Variants in PDE4DIP observed in about 807,000 individuals in gnomAD.
PDE4DIP encodes myomegalin.
PDE4DIP carries 59 observed loss-of-function variants against 221.4 expected under a neutral mutation model. That is an observed-to-expected ratio of 0.27 (90% CI 0.22 to 0.33). The LOEUF (loss-of-function observed/expected upper bound fraction) is 0.33, where lower values mean the gene tolerates loss of function less well. Ranked by LOEUF, PDE4DIP falls within the 10% of genes least tolerant of loss-of-function variation. The probability of loss-of-function intolerance (pLI) is 1.00; values close to 1 mark genes in which losing one functional copy is unlikely to be tolerated. For missense variants in PDE4DIP, 1,036 were observed against 2,154.2 expected (o/e 0.48, Z 10.28); for synonymous variants, 404 against 815.9 (o/e 0.50, Z 8.60).
intron 21 of PDE4DIP, chr1:148,990,320 A>C (rs1350654025): frequency 3.0e-6 from 3 of 985,150 alleles, no homozygotes; most frequent in Non-Finnish European, 3.6e-6. Context: ...GGAAGAAACA[A>C]AACCCCTGTG....
At chr1:148,996,752 G>A (rs1217396957) in intron 22 of PDE4DIP, among the ~76,000 whole-genome samples, 2 of 152,272 alleles carry the variant, frequency 1.3e-5, no homozygotes, top group South Asian at 2.1e-4. Flanking sequence ...TCTGTCAGTC[G>A]TTGATCCATA....
At chr1:148,815,332 C>T (rs1242075157) in intron 1 of PDE4DIP, among the ~76,000 whole-genome samples, 48 of 142,298 alleles carry the variant, frequency 3.4e-4, no homozygotes, top group Non-Finnish European at 5.6e-4. Context: ...ACGCAGATCA[C>T]GAGGTCAGGA....
intron 1 of PDE4DIP, among the ~76,000 whole-genome samples, chr1:148,919,782 CCTCCTG>C (rs1307509366): frequency 2.3e-4 from 34 of 150,690 alleles, no homozygotes; most frequent in Middle Eastern, 3.4e-3. Context: ...TGAAACTCTT[CCTCCTG>C]CTAAATTATT....
At chr1:148,985,233 A>G (rs1384880082) in intron 21 of PDE4DIP, 1 of 152,134 alleles carries the variant, frequency 6.6e-6, no homozygotes, top group Non-Finnish European at 1.5e-5. Context: ...TTTGTACCGT[A>G]GAAAGAATAG....
intron 1 of PDE4DIP, 122 bp from the exon 1 acceptor site, chr1:148,844,306 C>G: frequency 3.3e-6 from 2 of 607,236 alleles, no homozygotes; most frequent in Non-Finnish European, 2.2e-6. Flanking sequence ...GTCGGGGAGA[C>G]GCGAGGGTGG....
chr1:148,952,389 A>G (rs1553490460), intron 5 of PDE4DIP: 1 of 1,078,034 alleles, frequency 9.3e-7, no homozygotes, highest in Non-Finnish European at 1.1e-6. Context: ...TCCATCCCCG[A>G]GGCTTTGCGT....
At chr1:149,026,228 CT>C (rs1298748317) in intron 38 of PDE4DIP, 2 of 148,294 alleles carry the variant, frequency 1.3e-5, no homozygotes, top group Non-Finnish European at 3.0e-5. Flanking sequence ...CCCACCAAGC[CT>C]TCTGTCTCCG....
At position 148,994,491 on chromosome 1, in the gene PDE4DIP, C is replaced by T. The variant is rs1553562980; in HGVS notation, c.2904+2518C>T. On this transcript the variant is annotated intron_variant, in intron 22 of 43. Transcript: ENST00000369354. Reference sequence around the variant, plus strand: ...AATATGAAGAACAGACGTTAGTAGACAAAGTGTGATAAACTTGAAAAAAGC... The same window carrying T: ...AATATGAAGAACAGACGTTAGTAGATAAAGTGTGATAAACTTGAAAAAAGC... Among the ~76,000 whole-genome samples, 3 of 147,774 alleles carry T rather than the reference C, an allele frequency of 2.0e-5. No individual in the cohort carries two copies. In the South Asian group the frequency reaches 6.6e-4, roughly 32 times the overall value.
intron 6 of PDE4DIP, among the ~76,000 whole-genome samples, chr1:148,961,613 C>T (rs1185258574): frequency 1.3e-5 from 2 of 152,218 alleles, no homozygotes; most frequent in Non-Finnish European, 2.9e-5. Flanking sequence ...GATCACAGTG[C>T]GTGAAAATTG....
chr1:148,817,993 T>A (rs2149772744), intron 1 of PDE4DIP, among the ~76,000 whole-genome samples: 1 of 148,220 alleles, frequency 6.7e-6, no homozygotes, highest in East Asian at 1.9e-4. Context: ...ATTTTTGTAT[T>A]TTTATTAGAG....
intron 43 of PDE4DIP, 139 bp from the exon 47 acceptor site, chr1:149,031,805 G>A: frequency 1.3e-6 from 1 of 769,694 alleles, no homozygotes; most frequent in Non-Finnish European, 2.2e-6. Flanking sequence ...TGCAGCGCAT[G>A]CTCTTAGCTC....
At chr1:148,977,804 G>A (rs1427084303) in intron 17 of PDE4DIP, 133 bp from the exon 21 acceptor site, 74 of 1,348,978 alleles carry the variant, frequency 5.5e-5, no homozygotes, top group Middle Eastern at 2.4e-4. Flanking sequence ...TGGATTATTG[G>A]TTTGATGCTG....
intron 41 of PDE4DIP, among the ~76,000 whole-genome samples, chr1:149,029,186 G>A (rs868940362): frequency 3.3e-5 from 5 of 152,066 alleles, no homozygotes; most frequent in South Asian, 2.1e-4. Flanking sequence ...CCAGGCCTGG[G>A]GAAAGTCAGC....
chr1:148,940,865 A>G (rs1378543441), intron 5 of PDE4DIP, among the ~76,000 whole-genome samples: 1 of 152,052 alleles, frequency 6.6e-6, no homozygotes, highest in Non-Finnish European at 1.5e-5. Flanking sequence ...ATTTAGTGTA[A>G]ATTAACATCA....
rs1323830958 is a variant in PDE4DIP at position 148,994,528 on chromosome 1, AAT to A, written c.2904+2557_2904+2558del. 8.6e-5 allele frequency among the ~76,000 whole-genome samples: 13 copies of A among 151,500 alleles called. No individual in the cohort carries two copies. In the East Asian group the frequency reaches 2.5e-3, roughly 30 times the overall value. Reference sequence around the variant, plus strand: ...AACTTGAAAAAAGCTATTTTAAAAAAATAGTTATTTTTGATTGACAAATCGTA... The same window carrying A: ...AACTTGAAAAAAGCTATTTTAAAAAAAGTTATTTTTGATTGACAAATCGTA... On this transcript the variant is annotated intron_variant, in intron 22 of 43. Coordinates refer to ENST00000369354, the Ensembl canonical transcript of PDE4DIP.
rs1196863447 is a variant in PDE4DIP at position 148,901,887 on chromosome 1, T to C, written c.141+11993T>C. ...CCAGATTCTCATCAGTCAAGTTCAG[T>C]ATCTGCCCAACACAAAAGTAAATCT... On this transcript the variant is annotated intron_variant, in intron 1 of 43. Coordinates refer to ENST00000369354, the Ensembl canonical transcript of PDE4DIP. Among the ~76,000 whole-genome samples the C allele has an allele frequency of 9.8e-5, 12 of 121,898 alleles. 1 individual carries two copies. The highest frequency in any genetic ancestry group is 4.0e-3 in the Middle Eastern group (1 of 250). 80.0% of individuals were successfully genotyped at this position (121,898 alleles called of 152,430 possible). A position where few individuals can be genotyped will look rare whatever the true frequency, so the allele number is the denominator to read the frequency against.
At chr1:149,032,249 C>T (rs587750787) in exon 44 of PDE4DIP, 34 of 613,978 alleles carry the variant, frequency 5.5e-5, no homozygotes, top group South Asian at 1.8e-4. Flanking sequence ...GAAAAAGATG[C>T]GTAGTTTGCA....
At chr1:148,980,890 TCA>T (rs1185936992) in intron 20 of PDE4DIP, among the ~76,000 whole-genome samples, 1 of 152,248 alleles carries the variant, frequency 6.6e-6, no homozygotes, top group Non-Finnish European at 1.5e-5. Flanking sequence ...TCTACTTGGC[TCA>T]GTCTTGCTCC....
chr1:148,937,384 C>T (rs1485272993), intron 4 of PDE4DIP, among the ~76,000 whole-genome samples: 1 of 152,086 alleles, frequency 6.6e-6, no homozygotes, highest in Admixed American at 6.5e-5. Flanking sequence ...TGGTAGAGTG[C>T]ATTGAGTACA....
Sources: allele counts gnomAD v4.1 joint callset (sites outside exome capture counted in the v4.1 genomes callset), GRCh38; gene constraint gnomAD v4.1.1; transcripts MANE v1.5; gene names NCBI Gene and HGNC (gene_info 2026-07-23, HGNC 2026-07-21).